Variants in IRAK1BP1 observed in about 807,000 individuals in gnomAD.
The protein encoded by IRAK1BP1 is interleukin-1 receptor-associated kinase 1-binding protein 1.
A neutral mutation model predicts 28.0 loss-of-function variants in IRAK1BP1; 24 were observed. The observed-to-expected ratio is 0.86, with a 90% CI of 0.62 to 1.20. The LOEUF is 1.20. Among genes scored for constraint, IRAK1BP1 ranks in the 50% most tolerant of loss-of-function variants. The pLI, the probability that IRAK1BP1 is intolerant of heterozygous loss-of-function variation, is 0.00. For synonymous variants in IRAK1BP1, 131 were observed against 116.3 expected (o/e 1.13, Z -0.81); for missense variants, 336 against 316.7 (o/e 1.06, Z -0.46).
intron 1 of IRAK1BP1, among the ~76,000 whole-genome samples, chr6:78,880,335 C>T (rs1350858748): frequency 6.6e-6 from 1 of 152,190 alleles, no homozygotes; most frequent in Non-Finnish European, 1.5e-5. Context: ...TTTCTTTGAG[C>T]ATCATGTTTG....
chr6:78,978,475 C>G, the IRAK1BP1 span: 3 of 669,204 alleles, frequency 4.5e-6, no homozygotes, highest in Non-Finnish European at 7.2e-6. Context: ...ATACAAATAT[C>G]TAGAATGAGA....
At chr6:78,885,827 A>G (rs1771412661) in intron 2 of IRAK1BP1, among the ~76,000 whole-genome samples, 2 of 152,204 alleles carry the variant, frequency 1.3e-5, no homozygotes. Context: ...ATTTTACTGT[A>G]TTGTGATAAA....
At chr6:78,867,981 G>T (rs1770647293) in intron 1 of IRAK1BP1, 90 bp downstream of exon 1, 2 of 1,352,376 alleles carry the variant, frequency 1.5e-6, no homozygotes, top group Non-Finnish European at 2.0e-6. Flanking sequence ...TAGCGGGAAG[G>T]GAGATGTGGA....
chr6:78,925,587 G>T (rs1772866294), intron 4 of IRAK1BP1, among the ~76,000 whole-genome samples: 1 of 152,172 alleles, frequency 6.6e-6, no homozygotes, highest in Non-Finnish European at 1.5e-5. Context: ...ACTGCTGCTG[G>T]TAGGAATGTA....
At chr6:78,951,835 G>C in the IRAK1BP1 span, among the ~76,000 whole-genome samples, 2 of 152,146 alleles carry the variant, frequency 1.3e-5, no homozygotes, top group African/African-American at 2.4e-5. Flanking sequence ...TGGTGCACTG[G>C]ACATAAGGGA....
At chr6:78,973,882 T>C in the IRAK1BP1 span, among the ~76,000 whole-genome samples, 3 of 151,440 alleles carry the variant, frequency 2.0e-5, no homozygotes, top group Non-Finnish European at 4.4e-5. Context: ...AAAGCAAGTC[T>C]TGAGTGACCT....
At chr6:78,911,127 C>G (rs1006487506) in intron 4 of IRAK1BP1, among the ~76,000 whole-genome samples, 19 of 152,114 alleles carry the variant, frequency 1.2e-4, no homozygotes, top group Non-Finnish European at 2.5e-4. Flanking sequence ...CCTCTTTCCC[C>G]TAACTTCCTC....
chr6:78,903,083 G>A lies in IRAK1BP1; in HGVS notation c.*4749G>A, dbSNP rs9352675. 0.49 allele frequency: 743,771 copies of A among 1,514,354 alleles called. 185,872 individuals are homozygous for A. Among genetic ancestry groups the A allele is most frequent in the East Asian group, 0.67 (27,336 of 40,750 alleles). The allele number at this position is 1,514,354 out of a possible 1,614,324, so 93.8% of individuals were successfully genotyped here. On this transcript the variant is annotated 3_prime_UTR_variant, in exon 4 of 4. Transcript: ENST00000369940. ...AATTATCATGAATCCCACATCAAAT[G>A]AACAAATACTGCCTCTGGACTCTGA...
chr6:78,938,746 GCAAAATCT>G, intron 4 of IRAK1BP1: 3 of 151,452 alleles, frequency 2.0e-5, no homozygotes, highest in Admixed American at 6.6e-5. Context: ...TTTTTCAACT[GCAAAATCT>G]CAGCAATGCA....
chr6:78,978,585 A>G, the IRAK1BP1 span: 1 of 1,570,074 alleles, frequency 6.4e-7, no homozygotes, highest in South Asian at 1.2e-5. Context: ...TAAAACTTTT[A>G]AAGTACCTCA....
the IRAK1BP1 span, chr6:78,963,269 G>A: frequency 6.3e-7 from 1 of 1,587,644 alleles, no homozygotes; most frequent in Non-Finnish European, 8.6e-7. Flanking sequence ...TAGAAAAGCA[G>A]ATCATTGCAA....
the IRAK1BP1 span, chr6:78,955,480 T>C: frequency 4.5e-5 from 25 of 554,260 alleles, no homozygotes; most frequent in South Asian, 7.4e-4. Context: ...TACTGCCAGT[T>C]GTTTTTTTTT....
intron 4 of IRAK1BP1, among the ~76,000 whole-genome samples, chr6:78,932,899 TTTTA>T (rs1205213114): frequency 6.6e-6 from 1 of 152,142 alleles, no homozygotes; most frequent in Non-Finnish European, 1.5e-5. Flanking sequence ...AAGGTATCTT[TTTTA>T]TTTTTTTATT....
At chr6:78,956,233 A>G in the IRAK1BP1 span, 1 of 152,160 alleles carries the variant, frequency 6.6e-6, no homozygotes, top group African/African-American at 2.4e-5. Context: ...ACAACATATC[A>G]TTCTTACAGT....
chr6:78,920,829 T>C (rs1772702532), intron 4 of IRAK1BP1, among the ~76,000 whole-genome samples: 1 of 152,240 alleles, frequency 6.6e-6, no homozygotes, highest in Non-Finnish European at 1.5e-5. Flanking sequence ...CAAATATATA[T>C]ATATATCAAC....
the IRAK1BP1 span, among the ~76,000 whole-genome samples, chr6:78,973,193 A>G: frequency 6.6e-6 from 1 of 152,314 alleles, no homozygotes; most frequent in African/African-American, 2.4e-5. Flanking sequence ...CAGAAACTCT[A>G]CAAGCCAGAA....
At position 78,946,208 on chromosome 6, in the gene IRAK1BP1, T is replaced by G. The variant is rs1279061435; in HGVS notation, c.*868T>G. On this transcript the variant is annotated 3_prime_UTR_variant and NMD_transcript_variant, in exon 5 of 5. Transcript: ENST00000606868. ...CGTGTAGGTGTAGAGAATGCAGAGG[T>G]AGAGCTTTCTGATTTTAGCTGGGGT... 3.1e-6 allele frequency: 5 copies of G among 1,612,786 alleles called. No homozygotes were observed. The South Asian group carries it at 5.5e-5, about 18-fold the overall frequency.
At chr6:78,886,055 G>C (rs983467521) in intron 2 of IRAK1BP1, among the ~76,000 whole-genome samples, 1 of 152,152 alleles carries the variant, frequency 6.6e-6, no homozygotes, top group Non-Finnish European at 1.5e-5. Context: ...ACATTTTGGA[G>C]TACGTGCCTA....
downstream of IRAK1BP1, among the ~76,000 whole-genome samples, chr6:78,908,092 T>G (rs1189131074): frequency 6.7e-6 from 1 of 148,208 alleles, no homozygotes; most frequent in Non-Finnish European, 1.5e-5. Flanking sequence ...ACTCTGTTGC[T>G]CAGGCTGGAG....
Sources: allele counts gnomAD v4.1 joint callset (sites outside exome capture counted in the v4.1 genomes callset), GRCh38; gene constraint gnomAD v4.1.1; transcripts MANE v1.5; gene names NCBI Gene and HGNC (gene_info 2026-07-23, HGNC 2026-07-21).